Variants in SDK1 observed in about 807,000 individuals in gnomAD.
SDK1 encodes the protein sidekick cell adhesion molecule 1, also known as protein sidekick-1.
In SDK1, 157 loss-of-function variants were observed where a neutral mutation model predicts 245.5. That is an observed-to-expected ratio of 0.64 (90% CI 0.56 to 0.73). The LOEUF (loss-of-function observed/expected upper bound fraction) is 0.73, where lower values mean the gene tolerates loss of function less well. Ranked by LOEUF, SDK1 falls within the 30% of genes least tolerant of loss-of-function variation. The pLI, the probability that SDK1 is intolerant of heterozygous loss-of-function variation, is 0.00. For missense variants in SDK1, 3,583 were observed against 3,002.3 expected (o/e 1.19, Z -4.52); for synonymous variants, 1,647 against 1,278.5 (o/e 1.29, Z -6.15).
intron 20 of SDK1, among the ~76,000 whole-genome samples, chr7:4,072,771 C>T (rs1458177017): frequency 1.3e-5 from 2 of 152,168 alleles, no homozygotes; most frequent in Non-Finnish European, 2.9e-5. Flanking sequence ...CTGGGCTCAG[C>T]ACCACTTTAC....
At chr7:3,773,124 A>G (rs897628093) in intron 4 of SDK1, among the ~76,000 whole-genome samples, 1 of 152,162 alleles carries the variant, frequency 6.6e-6, no homozygotes, top group Admixed American at 6.5e-5. Flanking sequence ...TTCTTCAAGT[A>G]TACTTTCTGT....
At chr7:3,389,754 T>TAAACAA (rs1562457462) in intron 1 of SDK1, among the ~76,000 whole-genome samples, 1 of 151,378 alleles carries the variant, frequency 6.6e-6, no homozygotes, top group African/African-American at 2.4e-5. Context: ...GCAACAGAAA[T>TAAACAA]AAACAAAAAC....
At chr7:3,564,788 G>C (rs1456940771) in intron 1 of SDK1, among the ~76,000 whole-genome samples, 1 of 152,002 alleles carries the variant, frequency 6.6e-6, no homozygotes, top group African/African-American at 2.4e-5. Flanking sequence ...TTAGAAAGTT[G>C]GTTCTTTTAT....
intron 1 of SDK1, among the ~76,000 whole-genome samples, chr7:3,364,608 G>C (rs1461338645): frequency 6.6e-6 from 1 of 150,988 alleles, no homozygotes; most frequent in Non-Finnish European, 1.5e-5. Flanking sequence ...ATCTGTTTTT[G>C]CATTTTCTAC....
Position 3,312,960 on chromosome 7 carries a change from A to G in SDK1, c.298+11076A>G, listed in dbSNP as rs183016610. 1.8e-4 allele frequency among the ~76,000 whole-genome samples: 28 copies of G among 152,346 alleles called. No individual in the cohort carries two copies. The East Asian group carries it at 5.2e-3, about 28-fold the overall frequency. ...CATATTGTAGATGAAGCCTTAGAAA[A>G]TAAGAGGAAAGCAGTCTGAGGAAAG... is the stretch of plus-strand genomic sequence containing the variant. On this transcript the variant is annotated intron_variant, in intron 1 of 44. Transcript: ENST00000404826.
intron 1 of SDK1, among the ~76,000 whole-genome samples, chr7:3,378,630 A>C (rs1158221157): frequency 6.6e-6 from 1 of 151,982 alleles, no homozygotes; most frequent in East Asian, 1.9e-4. Context: ...GCCCTCTTTC[A>C]TGCTGTTTGT....
At chr7:3,651,816 G>A (rs927109637) in intron 4 of SDK1, among the ~76,000 whole-genome samples, 1 of 152,164 alleles carries the variant, frequency 6.6e-6, no homozygotes, top group Non-Finnish European at 1.5e-5. Context: ...GCAATCAGAA[G>A]ATAGCTGAGA....
chr7:3,549,062 C>G (rs1427804991), intron 1 of SDK1, among the ~76,000 whole-genome samples: 2 of 152,206 alleles, frequency 1.3e-5, no homozygotes, highest in African/African-American at 4.8e-5. Context: ...AGAACCTGCT[C>G]TTACATGACT....
intron 1 of SDK1, among the ~76,000 whole-genome samples, chr7:3,600,642 G>C (rs538474573): frequency 1.6e-4 from 23 of 142,854 alleles, no homozygotes; most frequent in African/African-American, 5.8e-4. Context: ...GCAAGCTCCC[G>C]GGTTCACGCC....
intron 1 of SDK1, among the ~76,000 whole-genome samples, chr7:3,465,764 T>C (rs551841955): frequency 3.9e-5 from 6 of 152,246 alleles, no homozygotes; most frequent in African/African-American, 1.4e-4. Context: ...GACCACTGTG[T>C]TGGTGTTCTC....
At position 3,723,877 on chromosome 7, in the gene SDK1, TAC is replaced by T. The variant is rs1562397537; in HGVS notation, c.713+81774_713+81775del. On this transcript the variant is annotated intron_variant, in intron 4 of 44. Transcript: ENST00000404826. Reference sequence around the variant, plus strand: ...ATACATATACACGTGTATATACACGTACATATATATATACACGTGTATATACA... The same window carrying T: ...ATACATATACACGTGTATATACACGTATATATATATACACGTGTATATACA... 2.2e-4 allele frequency among the ~76,000 whole-genome samples: 28 copies of T among 129,316 alleles called. 1 individual carries two copies. The highest frequency in any genetic ancestry group is 9.5e-4 in the African/African-American group (28 of 29,342). 84.8% of individuals were successfully genotyped at this position (129,316 alleles called of 152,430 possible).
chr7:3,775,428 T>A (rs1023516643), intron 4 of SDK1, among the ~76,000 whole-genome samples: 68 of 151,982 alleles, frequency 4.5e-4, no homozygotes, highest in African/African-American at 1.5e-3. Flanking sequence ...TTTTTTTTAT[T>A]TTATTTTTTT....
Position 3,780,737 on chromosome 7 carries a change from A to T in SDK1, c.714-40713A>T, listed in dbSNP as rs111894829. ...GAAAGCCCACCCAACCACCCTGTGC[A>T]GGCAGAGACTCCCACCTCCTGGCAT... On this transcript the variant is annotated intron_variant, in intron 4 of 44. Coordinates refer to ENST00000404826, the MANE Select transcript of SDK1 (RefSeq NM_152744.4). Among the ~76,000 whole-genome samples, 1,377 of 151,190 alleles carry T rather than the reference A, an allele frequency of 9.1e-3. 28 individuals are homozygous for T. Among genetic ancestry groups the T allele is most frequent in the African/African-American group, 0.031 (1,272 of 41,444 alleles).
chr7:3,816,589 T>A (rs1779513534), intron 4 of SDK1, among the ~76,000 whole-genome samples: 1 of 151,810 alleles, frequency 6.6e-6, no homozygotes. Context: ...GGAGCTGAAA[T>A]TGTGGCAATA....
chr7:3,330,180 A>G (rs750369025), intron 1 of SDK1, among the ~76,000 whole-genome samples: 2 of 152,064 alleles, frequency 1.3e-5, no homozygotes, highest in Non-Finnish European at 2.9e-5. Flanking sequence ...ATGTGGACAT[A>G]TGTTTTCATT....
At chr7:3,616,331 A>C (rs1781770285) in intron 1 of SDK1, among the ~76,000 whole-genome samples, 1 of 152,218 alleles carries the variant, frequency 6.6e-6, no homozygotes. Context: ...ACAGTCACGC[A>C]ACGATGAGGT....
intron 1 of SDK1, among the ~76,000 whole-genome samples, chr7:3,371,438 G>A (rs1039857637): frequency 6.6e-6 from 1 of 152,030 alleles, no homozygotes; most frequent in Admixed American, 6.5e-5. Context: ...AACAAATTTA[G>A]GATAAATCTG....
chr7:3,894,402 A>G (rs1035354712), intron 5 of SDK1, among the ~76,000 whole-genome samples: 1 of 150,366 alleles, frequency 6.7e-6, no homozygotes, highest in African/African-American at 2.5e-5. Context: ...CTGTACTGGA[A>G]GCTCCTGACA....
At chr7:3,772,268 C>A (rs1368238462) in intron 4 of SDK1, among the ~76,000 whole-genome samples, 2 of 150,712 alleles carry the variant, frequency 1.3e-5, no homozygotes, top group African/African-American at 4.9e-5. Context: ...TTATATTCTA[C>A]GTCTGTTTTT....
Sources: allele counts gnomAD v4.1 joint callset (sites outside exome capture counted in the v4.1 genomes callset), GRCh38; gene constraint gnomAD v4.1.1; transcripts MANE v1.5; gene names NCBI Gene and HGNC (gene_info 2026-07-23, HGNC 2026-07-21).